EYA4: variants seen among roughly 807,000 people sequenced by gnomAD.
The protein encoded by EYA4 is EYA transcriptional coactivator and phosphatase 4.
Under a neutral mutation model 87.9 loss-of-function variants are expected in EYA4, and 31 were observed. The observed-to-expected ratio is 0.35, with a 90% CI of 0.27 to 0.48. The LOEUF (loss-of-function observed/expected upper bound fraction) is 0.48. Ranked by LOEUF, EYA4 falls within the 20% of genes least tolerant of loss-of-function variation. The pLI is 0.99. For synonymous variants in EYA4, 263 were observed against 270.6 expected (o/e 0.97, Z 0.28); for missense variants, 678 against 761.4 (o/e 0.89, Z 1.29).
chr6:133,449,830 T>C (rs1347145625), intron 5 of EYA4, among the ~76,000 whole-genome samples: 3 of 152,186 alleles, frequency 2.0e-5, no homozygotes, highest in African/African-American at 7.2e-5. Context: ...TGCATTGTGT[T>C]AACAGACTCC....
chr6:133,259,677 T>G (rs1775633480), intron 1 of EYA4, among the ~76,000 whole-genome samples: 1 of 152,208 alleles, frequency 6.6e-6, no homozygotes, highest in African/African-American at 2.4e-5. Flanking sequence ...GTATTCACTA[T>G]AGACACAATT....
intron 3 of EYA4, among the ~76,000 whole-genome samples, chr6:133,390,832 G>A (rs1209164509): frequency 1.3e-5 from 2 of 152,180 alleles, no homozygotes; most frequent in Non-Finnish European, 2.9e-5. Flanking sequence ...GAGAATAAGA[G>A]CACCAGAGTG....
In EYA4 at chr6:133,437,775, T is replaced by G. The variant is rs188319935; in HGVS notation, c.84-8855T>G. On this transcript the variant is annotated intron_variant, in intron 3 of 19. Transcript: ENST00000355286. ...CACAGGAGGAACTACCAAACACTTA[T>G]GACACCATCAGATCTTGTGAGAACT... 3.9e-3 allele frequency among the ~76,000 whole-genome samples: 597 copies of G among 152,284 alleles called. 3 individuals carry two copies. The highest frequency in any genetic ancestry group is 0.013 in the African/African-American group (550 of 41,550).
intron 14 of EYA4, among the ~76,000 whole-genome samples, chr6:133,507,037 A>G (rs1798698153): frequency 6.6e-6 from 1 of 152,146 alleles, no homozygotes; most frequent in South Asian, 2.1e-4. Context: ...TTTATCTCAT[A>G]GTTTCATAAT....
chr6:133,383,946 G>C (rs570379451), intron 3 of EYA4, among the ~76,000 whole-genome samples: 1 of 152,252 alleles, frequency 6.6e-6, no homozygotes, highest in Admixed American at 6.5e-5. Flanking sequence ...CTATATAAGT[G>C]ACCTACCTAT....
intron 3 of EYA4, among the ~76,000 whole-genome samples, chr6:133,406,123 A>T (rs1432084493): frequency 6.6e-6 from 1 of 152,138 alleles, no homozygotes. Context: ...CTTCATTCAT[A>T]TTTTTATTTA....
intron 3 of EYA4, among the ~76,000 whole-genome samples, chr6:133,433,918 T>A (rs1274610329): frequency 6.6e-6 from 1 of 152,192 alleles, no homozygotes; most frequent in African/African-American, 2.4e-5. Context: ...ACTTGAGAAT[T>A]TCACTGGCTG....
At chr6:133,507,249 A>G (rs1798720556) in intron 14 of EYA4, 2 of 152,190 alleles carry the variant, frequency 1.3e-5, no homozygotes, top group Admixed American at 6.5e-5. Context: ...GTTACCTGCT[A>G]TCTAAATGGC....
intron 2 of EYA4, among the ~76,000 whole-genome samples, chr6:133,370,531 G>A (rs1055663489): frequency 3.3e-5 from 5 of 152,074 alleles, no homozygotes; most frequent in Non-Finnish European, 5.9e-5. Flanking sequence ...AACACACTTC[G>A]TCTTTGTTTA....
intron 3 of EYA4, among the ~76,000 whole-genome samples, chr6:133,402,739 C>A (rs560847742): frequency 6.6e-6 from 1 of 152,212 alleles, no homozygotes; most frequent in Admixed American, 6.5e-5. Flanking sequence ...CACACACACA[C>A]ACAGCCAGGA....
intron 2 of EYA4, among the ~76,000 whole-genome samples, chr6:133,301,690 A>C (rs1037787557): frequency 5.9e-5 from 9 of 152,228 alleles, no homozygotes; most frequent in Admixed American, 6.5e-5. Context: ...GTACAATATG[A>C]GAGCTAGTAA....
chr6:133,435,778 A>G (rs1562417835), intron 3 of EYA4, among the ~76,000 whole-genome samples: 3 of 152,120 alleles, frequency 2.0e-5, no homozygotes, highest in Admixed American at 6.6e-5. Context: ...ATGCTTTATT[A>G]CTTTTTTTAT....
chr6:133,332,775 GA>G (rs1782076876), intron 2 of EYA4, among the ~76,000 whole-genome samples: 1 of 148,828 alleles, frequency 6.7e-6, no homozygotes, highest in Non-Finnish European at 1.5e-5. Context: ...TGTTGGCCAG[GA>G]TGGTCTCAAT....
At chr6:133,372,287 T>C (rs905166514) in intron 2 of EYA4, among the ~76,000 whole-genome samples, 1 of 152,098 alleles carries the variant, frequency 6.6e-6, no homozygotes, top group Non-Finnish European at 1.5e-5. Context: ...AAATTGTTTT[T>C]TCTTTAATTT....
intron 1 of EYA4, among the ~76,000 whole-genome samples, chr6:133,252,140 T>A (rs1774960270): frequency 6.6e-6 from 1 of 152,242 alleles, no homozygotes; most frequent in Admixed American, 6.5e-5. Context: ...AGTAGATAGT[T>A]TGGATTTATT....
intron 3 of EYA4, among the ~76,000 whole-genome samples, chr6:133,409,083 G>A (rs1788985018): frequency 6.6e-6 from 1 of 152,168 alleles, no homozygotes. Flanking sequence ...ACATGGAAAA[G>A]TCCTGAATGA....
At chr6:133,477,786 C>T (rs1795866161) in intron 11 of EYA4, among the ~76,000 whole-genome samples, 2 of 151,690 alleles carry the variant, frequency 1.3e-5, no homozygotes, top group Non-Finnish European at 2.9e-5. Context: ...GGACCTAATT[C>T]ACCGGGTTGG....
At chr6:133,506,878 G>C (rs1798678172) in intron 14 of EYA4, among the ~76,000 whole-genome samples, 1 of 152,152 alleles carries the variant, frequency 6.6e-6, no homozygotes, top group Non-Finnish European at 1.5e-5. Flanking sequence ...GTGTGCTAAT[G>C]ACCTAGGTTA....
intron 3 of EYA4, among the ~76,000 whole-genome samples, chr6:133,436,292 G>A (rs1791675094): frequency 6.6e-6 from 1 of 151,458 alleles, no homozygotes; most frequent in African/African-American, 2.4e-5. Context: ...CCCTTACCTA[G>A]CCCCTTGCTC....
Sources: allele counts gnomAD v4.1 joint callset (sites outside exome capture counted in the v4.1 genomes callset), GRCh38; gene constraint gnomAD v4.1.1; transcripts MANE v1.5; gene names NCBI Gene and HGNC (gene_info 2026-07-23, HGNC 2026-07-21).